SP140: variants seen among roughly 807,000 people sequenced by gnomAD.
SP140 encodes SP140 nuclear body protein.
A neutral mutation model predicts 125.0 loss-of-function variants in SP140; 81 were observed. The observed-to-expected ratio is 0.65, with a 90% CI of 0.54 to 0.78. The LOEUF (loss-of-function observed/expected upper bound fraction) is 0.78. Among genes scored for constraint, SP140 ranks in the 30% least tolerant of loss-of-function variants. The probability of loss-of-function intolerance (pLI) is 0.00; values close to 1 mark genes in which losing one functional copy is unlikely to be tolerated. For synonymous variants in SP140, 312 were observed against 354.0 expected (o/e 0.88, Z 1.33); for missense variants, 858 against 1,037.0 (o/e 0.83, Z 2.37).
chr2:230,308,091 A>AC (rs2058988654), intron 22 of SP140, among the ~76,000 whole-genome samples: 1 of 150,584 alleles, frequency 6.6e-6, no homozygotes, highest in Non-Finnish European at 1.5e-5. Context: ...ATTCACAGCA[A>AC]CCTGGATGGA....
intron 4 of SP140, among the ~76,000 whole-genome samples, chr2:230,243,438 A>C (rs917870515): frequency 1.3e-5 from 2 of 152,198 alleles, no homozygotes; most frequent in African/African-American, 2.4e-5. Context: ...CATCCGCAGA[A>C]AAAAACAGAG....
Position 230,211,122 on chromosome 2 carries a change from C to T in SP140, c.-322-2532C>T, listed in dbSNP as rs560723056. Among the ~76,000 whole-genome samples the T allele has an allele frequency of 6.6e-6, 1 of 152,334 alleles. No individual in the cohort carries two copies. Among genetic ancestry groups the T allele is most frequent in the African/African-American group, 2.4e-5 (1 of 41,582 alleles). On this transcript the variant is annotated intron_variant, in intron 1 of 4. Coordinates refer to the SP140 transcript ENST00000456542. This position sits in a 1 kb window ranked among gnomAD's most constrained non-coding sequence, Gnocchi z 4.2. Reference sequence around the variant, plus strand: ...GTTCCCTTGCTTTCCCCTGGGGTTCCTGCCACAACCCTTTGTGGCAGGTGA... The same window carrying T: ...GTTCCCTTGCTTTCCCCTGGGGTTCTTGCCACAACCCTTTGTGGCAGGTGA...
chr2:230,271,296 T>C (rs1343915638), intron 15 of SP140, among the ~76,000 whole-genome samples: 1 of 152,206 alleles, frequency 6.6e-6, no homozygotes, highest in East Asian at 1.9e-4. Context: ...GATTGGGCAA[T>C]GGACAGAGGC....
rs187381979 is a variant in SP140, at chr2:230,312,974, C to G, written c.*290C>G. ...CTTACCTCTTCTCCTGAGGGCTGCT[C>G]CAGACAACATTTATTACCCAGAAGA... On this transcript the variant is annotated 3_prime_UTR_variant, in exon 27 of 27. Coordinates refer to ENST00000392045, the MANE Select transcript of SP140 (RefSeq NM_007237.5). 1,147 of 306,002 alleles carry G rather than the reference C, an allele frequency of 3.7e-3. 3 individuals carry two copies. The highest frequency in any genetic ancestry group is 5.5e-3 in the Non-Finnish European group (901 of 163,364). The allele number at this position is 306,002 out of a possible 1,614,324, so 19.0% of individuals were successfully genotyped here.
At chr2:230,223,908 A>C (rs2046023615), upstream of SP140, among the ~76,000 whole-genome samples, 1 of 152,210 alleles carries the variant, frequency 6.6e-6, no homozygotes, top group African/African-American at 2.4e-5. Flanking sequence ...ATGGGGGAAC[A>C]GAGCCAGGAG....
intron 3 of SP140, among the ~76,000 whole-genome samples, chr2:230,214,708 T>C (rs2044907312): frequency 6.6e-6 from 1 of 152,228 alleles, no homozygotes; most frequent in Non-Finnish European, 1.5e-5. Flanking sequence ...TTGTATGATT[T>C]TTTTCCAAAT....
rs1334181327 is a variant in SP140, at chr2:230,270,801, G to A, written c.1498+162G>A. ...TGTCTACCTCCTAATCCCTGGACCT[G>A]TAATCTGCTATCTTACATGACAAAA... On this transcript the variant is annotated intron_variant, in intron 15 of 26. Transcript: ENST00000392045. 1.3e-5 allele frequency: 9 copies of A among 708,380 alleles called. 1 individual carries two copies. The East Asian group carries it at 2.4e-4, about 19-fold the overall frequency. 43.9% of individuals were successfully genotyped at this position (708,380 alleles called of 1,614,324 possible). A position where few individuals can be genotyped will look rare whatever the true frequency, so the allele number is the denominator to read the frequency against.
At chr2:230,267,933 C>T (rs534742503) in intron 12 of SP140, among the ~76,000 whole-genome samples, 1 of 152,294 alleles carries the variant, frequency 6.6e-6, no homozygotes, top group Non-Finnish European at 1.5e-5. Context: ...CATCTTTGCA[C>T]AGTTTGGCTA....
At chr2:230,274,869 T>A (rs557147969) in intron 15 of SP140, among the ~76,000 whole-genome samples, 1 of 152,186 alleles carries the variant, frequency 6.6e-6, no homozygotes, top group South Asian at 2.1e-4. Context: ...ATGTGATATA[T>A]CTAAATGAAT....
chr2:230,238,385 A>G lies in SP140; in HGVS notation c.406+4A>G. On this transcript the variant is annotated splice_donor_region_variant and intron_variant, in intron 3 of 26. Transcript: ENST00000392045. ...ATTTACAGAAGCTTCCAGAATGGTA[A>G]CTATAGCTCTCAACAGCTTTGGGGG... 1 of 1,607,310 alleles carries G rather than the reference A, an allele frequency of 6.2e-7. No individual in the cohort carries two copies. Among genetic ancestry groups the G allele is most frequent in the Non-Finnish European group, 8.5e-7 (1 of 1,178,266 alleles).
At chr2:230,190,401 T>C in the SP140 span, among the ~76,000 whole-genome samples, 4,214 of 152,018 alleles carry the variant, frequency 0.028, 199 homozygotes, top group African/African-American at 0.096. Flanking sequence ...TTTGATGGAG[T>C]TGTTTGTTTT....
intron 23 of SP140, chr2:230,310,533 T>C: frequency 8.5e-7 from 1 of 1,175,366 alleles, no homozygotes; most frequent in East Asian, 2.6e-5. Context: ...ACCACCTTCC[T>C]CAGACTTCCT....
At chr2:230,299,634 C>G (rs1032256348) in intron 22 of SP140, among the ~76,000 whole-genome samples, 13 of 152,292 alleles carry the variant, frequency 8.5e-5, no homozygotes, top group African/African-American at 3.1e-4. Context: ...GATATAAGTG[C>G]AGAAGCCATG....
chr2:230,312,880 C>A lies in SP140; in HGVS notation c.*196C>A, dbSNP rs1276230658. On this transcript the variant is annotated 3_prime_UTR_variant, in exon 27 of 27. Transcript: ENST00000392045. ...TCATGAATCACAACCCCAAGTATCT[C>A]ATCAGCCAGGGAAGAGTAAGTGGGA... is the stretch of plus-strand genomic sequence containing the variant. 1.1e-4 allele frequency: 51 copies of A among 479,452 alleles called. No individual in the cohort carries two copies. The East Asian group carries it at 2.2e-3, about 21-fold the overall frequency. 29.7% of individuals were successfully genotyped at this position (479,452 alleles called of 1,614,324 possible).
intron 3 of SP140, chr2:230,238,842 A>C (rs1164236213): frequency 6.4e-7 from 1 of 1,554,360 alleles, no homozygotes; most frequent in Non-Finnish European, 8.7e-7. Flanking sequence ...AGCCTAGCAC[A>C]TACTGGTACA....
upstream of SP140, chr2:230,221,704 C>A (rs2045836860): frequency 7.8e-6 from 12 of 1,535,996 alleles, no homozygotes; most frequent in Non-Finnish European, 1.0e-5. Context: ...ATGTCACTTA[C>A]CTGAAGCCCC....
At chr2:230,235,868 G>GTT (rs984054259) in intron 1 of SP140, among the ~76,000 whole-genome samples, 1,406 of 77,996 alleles carry the variant, frequency 0.018, no homozygotes, top group East Asian at 0.029. Context: ...TCTTGTGACT[G>GTT]TTTTTTTTTT....
chr2:230,291,636 A>G (rs2057125285), intron 19 of SP140, among the ~76,000 whole-genome samples: 1 of 152,244 alleles, frequency 6.6e-6, no homozygotes, highest in Non-Finnish European at 1.5e-5. Context: ...GTCATTGTAT[A>G]GATATACCAC....
intron 11 of SP140, 32 bp downstream of exon 11, chr2:230,253,449 G>A (rs750715803): frequency 3.3e-6 from 5 of 1,506,684 alleles, no homozygotes; most frequent in Non-Finnish European, 4.6e-6. Flanking sequence ...AGGTATTTGA[G>A]TACATCTTTG....
Sources: gnomAD v4.1 joint callset for allele counts (sites outside exome capture counted in the v4.1 genomes callset) on GRCh38, gnomAD v4.1.1 for gene constraint, Gnocchi (gnomAD v3.1) non-coding constraint, MANE v1.5 for transcripts, NCBI Gene and HGNC (gene_info 2026-07-23, HGNC 2026-07-21) for gene names.